MGMT: variants seen among roughly 807,000 people sequenced by gnomAD.
The protein encoded by MGMT is O-6-methylguanine-DNA methyltransferase, also known as methylated-DNA--protein-cysteine methyltransferase.
Under a neutral mutation model 15.9 loss-of-function variants are expected in MGMT, and 14 were observed. That is an observed-to-expected ratio of 0.88 (90% CI 0.58 to 1.37). The LOEUF (loss-of-function observed/expected upper bound fraction) is 1.37, where lower values mean the gene tolerates loss of function less well. MGMT is among the 40% of genes most tolerant of loss of function. The pLI, the probability that MGMT is intolerant of heterozygous loss-of-function variation, is 0.00. For missense variants in MGMT, 282 were observed against 268.1 expected (o/e 1.05, Z -0.36); for synonymous variants, 130 against 118.2 (o/e 1.10, Z -0.65).
Position 129,467,284 on chromosome 10 carries a change from C to G in MGMT, c.-25C>G, listed in dbSNP as rs1334064777. 1.3e-6 allele frequency: 2 copies of G among 1,543,284 alleles called. No homozygotes were observed. The highest frequency in any genetic ancestry group is 1.4e-5 in the African/African-American group (1 of 72,192). On this transcript the variant is annotated 5_prime_UTR_variant, in exon 1 of 5. Transcript: ENST00000651593. ...GCCCGCAGGTCCTCGCGGTGCGCAC[C>G]GTTTGCGACTTGGTGAGTGTCTGGG...
At chr10:129,723,040 A>G (rs2133156019) in intron 3 of MGMT, among the ~76,000 whole-genome samples, 1 of 149,786 alleles carries the variant, frequency 6.7e-6, no homozygotes, top group South Asian at 2.1e-4. Context: ...AAGTCTTGTC[A>G]ACTAATGGTG....
At chr10:129,712,546 A>G (rs1182862608) in intron 3 of MGMT, among the ~76,000 whole-genome samples, 2 of 152,142 alleles carry the variant, frequency 1.3e-5, no homozygotes, top group African/African-American at 4.8e-5. Flanking sequence ...CCTCATTTCA[A>G]AAGCGCCTCT....
At chr10:129,569,186 C>G (rs1846388976) in intron 2 of MGMT, among the ~76,000 whole-genome samples, 1 of 152,294 alleles carries the variant, frequency 6.6e-6, no homozygotes, top group Admixed American at 6.5e-5. Context: ...GCGGCACTCT[C>G]ATGCCTGCCT....
chr10:129,563,848 C>A (rs1321092665), intron 2 of MGMT: 2 of 152,240 alleles, frequency 1.3e-5, no homozygotes, highest in Non-Finnish European at 2.9e-5. Flanking sequence ...CTATCGGGAA[C>A]GCACTGCGTT....
intron 2 of MGMT, among the ~76,000 whole-genome samples, chr10:129,673,277 C>T (rs1002970507): frequency 1.3e-5 from 2 of 152,004 alleles, no homozygotes; most frequent in African/African-American, 2.4e-5. Context: ...GAGTTCAAAT[C>T]CCACATCCCA....
intron 2 of MGMT, among the ~76,000 whole-genome samples, chr10:129,584,739 A>G (rs1008626090): frequency 6.6e-5 from 10 of 152,092 alleles, no homozygotes; most frequent in African/African-American, 2.4e-4. Flanking sequence ...ATCCTGCACC[A>G]TGTGGCCTTT....
Position 129,708,060 on chromosome 10 carries a change from T to C in MGMT, c.274+17T>C, listed in dbSNP as rs1848188229. On this transcript the variant is annotated intron_variant, in intron 3 of 4. Transcript: ENST00000651593. ...TCCAGCAAGGTCGGTAACTAAGCCA[T>C]CTGCGGTGTTTCCTTTGGGGAGCTT... is the stretch of plus-strand genomic sequence containing the variant. 2 of 1,604,404 alleles carry C rather than the reference T, an allele frequency of 1.2e-6. No individual in the cohort carries two copies. The highest frequency in any genetic ancestry group is 1.7e-6 in the Non-Finnish European group (2 of 1,175,282).
At chr10:129,580,274 T>A (rs1298576774) in intron 2 of MGMT, among the ~76,000 whole-genome samples, 1 of 152,208 alleles carries the variant, frequency 6.6e-6, no homozygotes, top group Non-Finnish European at 1.5e-5. Flanking sequence ...GTGCTGACAC[T>A]GCATACCATG....
At chr10:129,509,835 G>A (rs964348444) in intron 1 of MGMT, among the ~76,000 whole-genome samples, 1 of 152,174 alleles carries the variant, frequency 6.6e-6, no homozygotes, top group African/African-American at 2.4e-5. Context: ...TTTGAGAAAG[G>A]TCCCGTAAAT....
chr10:129,646,754 A>ATTTTTTTTTTTTTTTTTTTTT (rs1554873525), intron 2 of MGMT, among the ~76,000 whole-genome samples: 4 of 86,646 alleles, frequency 4.6e-5, no homozygotes, highest in Non-Finnish European at 1.0e-4. Context: ...ATATATATAT[A>ATTTTTTTTTTTTTTTTTTTTT]TTTTCAGGGA....
intron 2 of MGMT, among the ~76,000 whole-genome samples, chr10:129,668,349 G>A (rs558091294): frequency 3.1e-4 from 47 of 152,098 alleles, no homozygotes; most frequent in African/African-American, 1.1e-3. Context: ...GCCAGAGTGG[G>A]CCAGGCTGTA....
intron 3 of MGMT, among the ~76,000 whole-genome samples, chr10:129,754,474 A>G (rs951562969): frequency 1.3e-5 from 2 of 152,064 alleles, no homozygotes; most frequent in African/African-American, 4.8e-5. Context: ...GTTGTCCCCC[A>G]CACCACAGGA....
chr10:129,686,026 T>C (rs1847900843), intron 2 of MGMT, among the ~76,000 whole-genome samples: 1 of 152,220 alleles, frequency 6.6e-6, no homozygotes, highest in Non-Finnish European at 1.5e-5. Context: ...ACCGCCATCC[T>C]TCATCTAGTT....
chr10:129,756,393 A>G (rs964714577), intron 3 of MGMT, among the ~76,000 whole-genome samples: 2 of 152,224 alleles, frequency 1.3e-5, no homozygotes, highest in African/African-American at 4.8e-5. Flanking sequence ...AGGCCGCGTC[A>G]CAGAGCCCCA....
intron 3 of MGMT, among the ~76,000 whole-genome samples, chr10:129,730,550 G>T (rs9971105): frequency 0.053 from 8,019 of 152,250 alleles, 485 homozygotes; most frequent in African/African-American, 0.15. Flanking sequence ...AAAGACAGCA[G>T]AGCAGACGCG....
At position 129,704,325 on chromosome 10, in the gene MGMT, C is replaced by T. The variant is rs141990840; in HGVS notation, c.126-3570C>T. ...TCGTTGCCTGCTCGGCAGGCCCATTCTCTGCCTGCAGAGTGAGCCCGGCTT... is the reference window on the plus strand; with the variant it reads ...TCGTTGCCTGCTCGGCAGGCCCATTTTCTGCCTGCAGAGTGAGCCCGGCTT... On this transcript the variant is annotated intron_variant, in intron 2 of 4. Transcript: ENST00000651593. Among the ~76,000 whole-genome samples the T allele has an allele frequency of 1.0e-3, 157 of 152,268 alleles. 2 individuals are homozygous for T. Among genetic ancestry groups the T allele is most frequent in the African/African-American group, 3.7e-3 (153 of 41,566 alleles).
intron 3 of MGMT, among the ~76,000 whole-genome samples, chr10:129,721,900 G>T (rs1848376563): frequency 6.6e-6 from 1 of 151,740 alleles, no homozygotes; most frequent in African/African-American, 2.4e-5. Context: ...TAACAAGTTG[G>T]CAGACTTAAA....
intron 2 of MGMT, among the ~76,000 whole-genome samples, chr10:129,564,617 C>G (rs1564853754): frequency 2.1e-5 from 1 of 47,738 alleles, no homozygotes; most frequent in African/African-American, 5.9e-5. Flanking sequence ...CCCCCTCCTC[C>G]TCCTCCCCTG....
intron 1 of MGMT, among the ~76,000 whole-genome samples, chr10:129,507,759 G>A (rs1356144875): frequency 6.6e-6 from 1 of 152,194 alleles, no homozygotes; most frequent in East Asian, 1.9e-4. Flanking sequence ...GCGCACTGCT[G>A]TGTTTGCCAG....
Sources: gnomAD v4.1 joint callset for allele counts (sites outside exome capture counted in the v4.1 genomes callset) on GRCh38, gnomAD v4.1.1 for gene constraint, MANE v1.5 for transcripts, NCBI Gene and HGNC (gene_info 2026-07-23, HGNC 2026-07-21) for gene names.